The following MAP6D1 variants were observed in gnomAD, a reference collection of about 807,000 sequenced individuals.
MAP6D1 encodes MAP6 domain-containing protein 1.
MAP6D1 carries 13 observed loss-of-function variants against 17.4 expected under a neutral mutation model. The observed-to-expected ratio is 0.75, with a 90% CI of 0.49 to 1.19. MAP6D1 has a LOEUF of 1.19. MAP6D1 is among the 50% of genes most tolerant of loss of function. The pLI, the probability that MAP6D1 is intolerant of heterozygous loss-of-function variation, is 0.00. For synonymous variants in MAP6D1, 141 were observed against 145.7 expected, an observed-to-expected ratio of 0.97 and a Z score of 0.23; for missense variants, 313 against 312.6, an observed-to-expected ratio of 1.00 and a Z score of -0.01.
intron 1 of MAP6D1, among the ~76,000 whole-genome samples, chr3:183,824,239 G>A (rs1213006075): frequency 1.3e-5 from 2 of 152,188 alleles, no homozygotes; most frequent in African/African-American, 4.8e-5. Flanking sequence ...CAAAGGAAAA[G>A]TAGTGCTTTT....
chr3:183,825,116 G>T (rs1184662870), intron 1 of MAP6D1, 31 bp downstream of exon 1: 13 of 1,364,078 alleles, frequency 9.5e-6, no homozygotes, highest in Non-Finnish European at 1.2e-5. Flanking sequence ...CACAGGGTGG[G>T]GACTCGTTGC....
intron 1 of MAP6D1, among the ~76,000 whole-genome samples, chr3:183,821,852 C>CG (rs1200531395): frequency 6.6e-6 from 1 of 151,668 alleles, no homozygotes; most frequent in Non-Finnish European, 1.5e-5. Flanking sequence ...TTAGTAGAGA[C>CG]GGGGTTTCAC....
intron 1 of MAP6D1, among the ~76,000 whole-genome samples, chr3:183,822,286 CACACACA>C (rs1211171289): frequency 1.9e-4 from 25 of 131,570 alleles, no homozygotes; most frequent in African/African-American, 7.3e-4. Flanking sequence ...CACACACACA[CACACACA>C]AAACCCCACA....
At position 183,825,187 on chromosome 3, in the gene MAP6D1, C is replaced by T. The variant is rs545006671; in HGVS notation, c.361G>A (p.Gly121Ser). ...ACTGCTGCAGCCGCGTCCGCGTCGC[C>T]GATGGGCAGCACGTAGACCCCGCGG... The part of the protein sequence containing the change: ...GARGVYVLPI[G>S]DADAAAAVTT... Residue 121 changes from glycine to serine, a missense_variant, in exon 1 of 3, where the codon GGC becomes AGC. Physicochemically the swap from Gly to Ser is moderately conservative, Grantham distance 56. Transcript: ENST00000318631. 1.2e-4 allele frequency: 173 copies of T among 1,461,620 alleles called. No individual in the cohort carries two copies. In the East Asian group the frequency reaches 4.2e-3, roughly 35 times the overall value. The allele number at this position is 1,461,620 out of a possible 1,614,324, so 90.5% of individuals were successfully genotyped here. A position where few individuals can be genotyped will look rare whatever the true frequency, so the allele number is the denominator to read the frequency against.
At chr3:183,824,782 G>A (rs1475668995) in intron 1 of MAP6D1, among the ~76,000 whole-genome samples, 1 of 152,216 alleles carries the variant, frequency 6.6e-6, no homozygotes, top group African/African-American at 2.4e-5. Context: ...GGGGGACATG[G>A]CCTGCGCGCA....
At chr3:183,824,059 G>A (rs763126982) in intron 1 of MAP6D1, among the ~76,000 whole-genome samples, 4 of 152,160 alleles carry the variant, frequency 2.6e-5, no homozygotes, top group Non-Finnish European at 5.9e-5. Flanking sequence ...TTTAAGATCC[G>A]CTGGGTTTCA....
rs1039674463 is a variant in MAP6D1 at position 183,816,111 on chromosome 3, T to C, written c.*1245A>G. On this transcript the variant is annotated 3_prime_UTR_variant, in exon 3 of 3. Coordinates refer to ENST00000318631, the MANE Select transcript of MAP6D1 (RefSeq NM_024871.4). ...GAGCCTCTCATCAAGAGCATTTCCTTTGCTGGCATGAGGGGAGGGCTGTGC... is the reference window on the plus strand; with the variant it reads ...GAGCCTCTCATCAAGAGCATTTCCTCTGCTGGCATGAGGGGAGGGCTGTGC... 6.6e-5 allele frequency: 10 copies of C among 152,176 alleles called. No homozygotes were observed. The highest frequency in any genetic ancestry group is 2.4e-4 in the African/African-American group (10 of 41,420). The allele number at this position is 152,176 out of a possible 1,614,324, so 9.4% of individuals were successfully genotyped here.
At chr3:183,825,040 G>C (rs909522386) in intron 1 of MAP6D1, 107 bp downstream of exon 1, 30 of 1,169,926 alleles carry the variant, frequency 2.6e-5, no homozygotes, top group South Asian at 3.5e-5. Context: ...TGGGATCCGG[G>C]CTCCAGGCGC....
At chr3:183,817,648 G>A (rs941325808) in intron 2 of MAP6D1, among the ~76,000 whole-genome samples, 10 of 152,058 alleles carry the variant, frequency 6.6e-5, no homozygotes, top group African/African-American at 1.9e-4. Flanking sequence ...TCTGCTCCCT[G>A]AACCACTTGG....
chr3:183,819,136 C>T (rs905359618), intron 1 of MAP6D1, among the ~76,000 whole-genome samples: 2 of 152,216 alleles, frequency 1.3e-5, no homozygotes, highest in Non-Finnish European at 2.9e-5. Context: ...GGCTTCAGGC[C>T]CTGAGGTCAA....
chr3:183,820,963 TG>T (rs1727239136), intron 1 of MAP6D1, among the ~76,000 whole-genome samples: 2 of 128,740 alleles, frequency 1.6e-5, no homozygotes, highest in South Asian at 4.9e-4. Flanking sequence ...GGTGTGGTGG[TG>T]GGCGCCTGTA....
Position 183,817,107 on chromosome 3 carries a change from A to G in MAP6D1, c.*249T>C, listed in dbSNP as rs867710528. On this transcript the variant is annotated 3_prime_UTR_variant, in exon 3 of 3. Transcript: ENST00000318631. The stretch of plus-strand genomic sequence containing the variant: ...GATTTCAAAACTGAGAGACGGCCAG[A>G]TGGCAGTTAACGAACGCAGGAGCCT... 6.0e-6 allele frequency: 3 copies of G among 496,310 alleles called. No homozygotes were observed. The Middle Eastern group carries it at 1.7e-3, about 277-fold the overall frequency. The allele number at this position is 496,310 out of a possible 1,614,324, so 30.7% of individuals were successfully genotyped here.
chr3:183,822,784 G>C (rs1392348615), intron 1 of MAP6D1, among the ~76,000 whole-genome samples: 2 of 152,230 alleles, frequency 1.3e-5, no homozygotes, highest in African/African-American at 4.8e-5. Context: ...CCTGAATAGC[G>C]GAGAGTCTGG....
intron 1 of MAP6D1, 83 bp from the exon 2 acceptor site, chr3:183,818,194 T>G: frequency 9.1e-7 from 1 of 1,093,682 alleles, no homozygotes; most frequent in Non-Finnish European, 1.4e-6. Context: ...CTCTGCCCCA[T>G]GCACGGCCCT....
At position 183,815,981 on chromosome 3, in the gene MAP6D1, C is replaced by G. The variant is rs866584111; in HGVS notation, c.*1375G>C. ...TTTTTAATCTCATTTCCACAGACAC[C>G]CAGCAGGCAGCCTCTTTTCTCTTAG... is the stretch of plus-strand genomic sequence containing the variant. On this transcript the variant is annotated 3_prime_UTR_variant, in exon 3 of 3. Coordinates refer to ENST00000318631, the MANE Select transcript of MAP6D1 (RefSeq NM_024871.4). 5 of 152,184 alleles carry G rather than the reference C, an allele frequency of 3.3e-5. No individual in the cohort carries two copies. 9.4% of individuals were successfully genotyped at this position (152,184 alleles called of 1,614,324 possible).
intron 1 of MAP6D1, among the ~76,000 whole-genome samples, chr3:183,818,701 A>T (rs1416663617): frequency 6.6e-6 from 1 of 152,204 alleles, no homozygotes; most frequent in African/African-American, 2.4e-5. Flanking sequence ...AGTTTTTTAT[A>T]CTTTGTCTCA....
rs1727355739 is a variant in MAP6D1, at chr3:183,825,186, C to T, written c.362G>A (p.Gly121Asp). 2 of 1,462,042 alleles carry T rather than the reference C, an allele frequency of 1.4e-6. No homozygotes were observed. The highest frequency in any genetic ancestry group is 1.7e-4 in the Middle Eastern group (1 of 5,730). The allele number at this position is 1,462,042 out of a possible 1,614,324, so 90.6% of individuals were successfully genotyped here. Residue 121 changes from glycine to aspartate, a missense_variant, in exon 1 of 3, where the codon GGC becomes GAC. Gly to Asp is a moderately conservative substitution (Grantham distance 94). Coordinates refer to ENST00000318631, the MANE Select transcript of MAP6D1 (RefSeq NM_024871.4). Reference protein sequence around the residue: ...GARGVYVLPIGDADAAAAVTT... With the variant: ...GARGVYVLPIDDADAAAAVTT... The stretch of plus-strand genomic sequence containing the variant: ...CACTGCTGCAGCCGCGTCCGCGTCG[C>T]CGATGGGCAGCACGTAGACCCCGCG...
chr3:183,821,803 T>C (rs554724385), intron 1 of MAP6D1, among the ~76,000 whole-genome samples: 5 of 151,846 alleles, frequency 3.3e-5, no homozygotes, highest in Non-Finnish European at 5.9e-5. Flanking sequence ...GCTGGGGTTA[T>C]AGGGGTGAGC....
In MAP6D1 at chr3:183,816,802, C is replaced by T. The variant is rs750426448; in HGVS notation, c.*554G>A. 1.3e-5 allele frequency: 2 copies of T among 154,454 alleles called. No individual in the cohort carries two copies. The highest frequency in any genetic ancestry group is 2.9e-5 in the Non-Finnish European group (2 of 69,466). The allele number at this position is 154,454 out of a possible 1,614,324, so 9.6% of individuals were successfully genotyped here. A position where few individuals can be genotyped will look rare whatever the true frequency, so the allele number is the denominator to read the frequency against. On this transcript the variant is annotated 3_prime_UTR_variant, in exon 3 of 3. Transcript: ENST00000318631. ...CTGTGAAGTGGAAGCCCGTGACTGA[C>T]GGTCTGTTTCTTCTGGAAATTTCCT...
Sources: allele counts gnomAD v4.1 joint callset (sites outside exome capture counted in the v4.1 genomes callset), GRCh38; gene constraint gnomAD v4.1.1; transcripts MANE v1.5; gene names NCBI Gene and HGNC (gene_info 2026-07-23, HGNC 2026-07-21).